CRACDL: variants seen among roughly 807,000 people sequenced by gnomAD.
The protein encoded by CRACDL is CRACD-like protein.
A neutral mutation model predicts 70.6 loss-of-function variants in CRACDL; 26 were observed. The observed-to-expected ratio is 0.37, with a 90% CI of 0.27 to 0.51. CRACDL has a LOEUF of 0.51. CRACDL is among the 20% of genes least tolerant of loss of function. The probability of loss-of-function intolerance (pLI) is 0.94; values close to 1 mark genes in which losing one functional copy is unlikely to be tolerated. For synonymous variants in CRACDL, 618 were observed against 615.2 expected, an observed-to-expected ratio of 1.00 and a Z score of -0.07; for missense variants, 1,283 against 1,376.9, an observed-to-expected ratio of 0.93 and a Z score of 1.08.
At chr2:98,854,303 A>C (rs1331580836) in intron 1 of CRACDL, among the ~76,000 whole-genome samples, 1 of 150,328 alleles carries the variant, frequency 6.7e-6, no homozygotes, top group Non-Finnish European at 1.5e-5. Context: ...AAAAAAAAGA[A>C]AGAAAAGAAA....
At chr2:98,915,074 T>A (rs1420561191) in intron 1 of CRACDL, among the ~76,000 whole-genome samples, 1 of 151,458 alleles carries the variant, frequency 6.6e-6, no homozygotes, top group African/African-American at 2.4e-5. Context: ...TTTGAGGGGG[T>A]TGGCAAAGGC....
chr2:98,879,208 A>G (rs1420011248), intron 1 of CRACDL, among the ~76,000 whole-genome samples: 1 of 152,200 alleles, frequency 6.6e-6, no homozygotes, highest in Non-Finnish European at 1.5e-5. Context: ...TAAATGTTTT[A>G]TGAATGAGTG....
At chr2:98,812,096 C>T (rs1365634650) in intron 7 of CRACDL, among the ~76,000 whole-genome samples, 2 of 152,234 alleles carry the variant, frequency 1.3e-5, no homozygotes, top group Non-Finnish European at 2.9e-5. Flanking sequence ...CTGCCTCAGC[C>T]TCCCAAGTTG....
chr2:98,910,524 A>AGAC (rs1708522081), intron 1 of CRACDL, among the ~76,000 whole-genome samples: 5 of 47,782 alleles, frequency 1.0e-4, no homozygotes, highest in Non-Finnish European at 2.3e-4. Flanking sequence ...CTGTCTCAAA[A>AGAC]TAAATAAATA....
At chr2:98,805,299 AC>A (rs1327742001) in intron 7 of CRACDL, among the ~76,000 whole-genome samples, 19 of 151,534 alleles carry the variant, frequency 1.3e-4, no homozygotes, top group Non-Finnish European at 2.5e-4. Flanking sequence ...AAATAACAAA[AC>A]CCCCCCTAAG....
At chr2:98,883,475 C>G (rs1707711557) in intron 1 of CRACDL, among the ~76,000 whole-genome samples, 1 of 152,224 alleles carries the variant, frequency 6.6e-6, no homozygotes, top group South Asian at 2.1e-4. Context: ...ATAAACAAGG[C>G]TGAAAGTTCT....
At chr2:98,924,127 T>G (rs896970078) in intron 1 of CRACDL, among the ~76,000 whole-genome samples, 2 of 152,208 alleles carry the variant, frequency 1.3e-5, no homozygotes, top group East Asian at 3.8e-4. Context: ...TTCAGTTAAT[T>G]ATGCTGGCAC....
rs554023137 is a variant in CRACDL, at chr2:98,934,992, T to C, written c.-11+946A>G. Among the ~76,000 whole-genome samples, 76 of 152,328 alleles carry C rather than the reference T, an allele frequency of 5.0e-4. 1 individual carries two copies. The highest frequency in any genetic ancestry group is 1.8e-3 in the Admixed American group (27 of 15,302). On this transcript the variant is annotated intron_variant, in intron 1 of 9. Coordinates refer to ENST00000397899, the MANE Select transcript of CRACDL (RefSeq NM_207362.3). ...AGATATCTTTCTCCTCACAATTTTA[T>C]AACCTCAATAGGTTCTTAGGATGAC...
chr2:98,928,196 T>C (rs549110038), intron 1 of CRACDL, among the ~76,000 whole-genome samples: 1 of 151,284 alleles, frequency 6.6e-6, no homozygotes, highest in Non-Finnish European at 1.5e-5. Context: ...AATAAATAAA[T>C]AAATAAAAAT....
rs570398348 is a variant in CRACDL at position 98,914,595 on chromosome 2, G to A, written c.-11+21343C>T. 2.3e-4 allele frequency among the ~76,000 whole-genome samples: 35 copies of A among 152,276 alleles called. No individual in the cohort carries two copies. The South Asian group carries it at 2.9e-3, about 13-fold the overall frequency. On this transcript the variant is annotated intron_variant, in intron 1 of 9. Coordinates refer to ENST00000397899, the MANE Select transcript of CRACDL (RefSeq NM_207362.3). The stretch of plus-strand genomic sequence containing the variant: ...GACTTTTTTAAAGACAGGAGCTTGC[G>A]CAGGGCACAGAGGAGCTCTGTCCCC...
intron 1 of CRACDL, among the ~76,000 whole-genome samples, chr2:98,868,426 A>G (rs549373331): frequency 6.6e-6 from 1 of 152,350 alleles, no homozygotes; most frequent in Admixed American, 6.5e-5. Context: ...AAATCTGTTT[A>G]TTTATGCTAA....
chr2:98,834,307 A>G (rs1705675882), intron 3 of CRACDL, among the ~76,000 whole-genome samples: 2 of 152,360 alleles, frequency 1.3e-5, no homozygotes, highest in Admixed American at 6.5e-5. Flanking sequence ...AGAGTGAAAG[A>G]TGGGAAACAC....
At chr2:98,896,914 C>G (rs1037588589) in intron 1 of CRACDL, among the ~76,000 whole-genome samples, 1 of 152,108 alleles carries the variant, frequency 6.6e-6, no homozygotes, top group African/African-American at 2.4e-5. Flanking sequence ...CCTTGGACAC[C>G]CCTGGCAGGC....
intron 1 of CRACDL, among the ~76,000 whole-genome samples, chr2:98,854,066 G>A (rs1426856113): frequency 1.3e-5 from 2 of 151,894 alleles, no homozygotes; most frequent in South Asian, 2.1e-4. Flanking sequence ...GGTGGATCAC[G>A]AGGTCAGGAG....
At chr2:98,858,331 A>G (rs913349248) in intron 1 of CRACDL, among the ~76,000 whole-genome samples, 7 of 152,100 alleles carry the variant, frequency 4.6e-5, no homozygotes, top group Non-Finnish European at 1.5e-5. Flanking sequence ...TCTGGCCAAC[A>G]TGGTGAAACC....
intron 7 of CRACDL, among the ~76,000 whole-genome samples, chr2:98,814,287 ATAATT>A (rs1311670389): frequency 6.6e-6 from 1 of 152,120 alleles, no homozygotes; most frequent in Non-Finnish European, 1.5e-5. Context: ...TCTTTCTAAT[ATAATT>A]TAATGTTGAG....
At chr2:98,821,814 C>T in intron 7 of CRACDL, 43 bp downstream of exon 7, 1 of 1,587,464 alleles carries the variant, frequency 6.3e-7, no homozygotes, top group South Asian at 1.1e-5. Flanking sequence ...GGATGTGGAT[C>T]TCCCCAGGCC....
chr2:98,831,498 A>G (rs559793718), intron 5 of CRACDL, among the ~76,000 whole-genome samples: 1 of 152,324 alleles, frequency 6.6e-6, no homozygotes, highest in East Asian at 1.9e-4. Context: ...GTGTGTGGCT[A>G]TAAAAAATAA....
intron 1 of CRACDL, among the ~76,000 whole-genome samples, chr2:98,851,745 C>T (rs781635623): frequency 2.0e-5 from 3 of 152,092 alleles, no homozygotes; most frequent in Non-Finnish European, 4.4e-5. Flanking sequence ...AGAAAAATAT[C>T]CTTCAAATTT....
Sources: allele counts gnomAD v4.1 joint callset (sites outside exome capture counted in the v4.1 genomes callset), GRCh38; gene constraint gnomAD v4.1.1; transcripts MANE v1.5; gene names NCBI Gene and HGNC (gene_info 2026-07-23, HGNC 2026-07-21).